Variants in KIF21A observed in about 807,000 individuals in gnomAD.
The protein encoded by KIF21A is kinesin family member 21A, also known as kinesin-like protein KIF21A.
Under a neutral mutation model 202.9 loss-of-function variants are expected in KIF21A, and 114 were observed. The ratio of observed to expected loss-of-function variants is 0.56; its 90% CI spans 0.48 to 0.66. The LOEUF (loss-of-function observed/expected upper bound fraction) is 0.66, where lower values mean the gene tolerates loss of function less well. KIF21A is among the 30% of genes least tolerant of loss of function. The probability of loss-of-function intolerance (pLI) is 0.00; values close to 1 mark genes in which losing one functional copy is unlikely to be tolerated. For missense variants in KIF21A, 1,677 were observed against 1,994.9 expected (o/e 0.84, Z 3.04); for synonymous variants, 667 against 670.8 (o/e 0.99, Z 0.09).
chr12:39,387,036 T>C (rs1381162628), intron 1 of KIF21A, among the ~76,000 whole-genome samples: 2 of 151,926 alleles, frequency 1.3e-5, no homozygotes, highest in Non-Finnish European at 2.9e-5. Context: ...AGTCCAACAA[T>C]TTAAATCCAG....
At chr12:39,330,309 A>G in intron 23 of KIF21A, 47 bp from the exon 24 acceptor site, 2 of 1,559,402 alleles carry the variant, frequency 1.3e-6, no homozygotes, top group Non-Finnish European at 8.8e-7. Flanking sequence ...TACTCCAATC[A>G]AAACAGATCC....
chr12:39,315,742 C>A, intron 30 of KIF21A, 190 bp downstream of exon 30: 4 of 640,562 alleles, frequency 6.2e-6, no homozygotes, highest in South Asian at 3.6e-5. Context: ...CAAAAAAAAC[C>A]ACTACTTTAT....
intron 37 of KIF21A, among the ~76,000 whole-genome samples, chr12:39,298,233 A>G (rs1942602988): frequency 6.6e-6 from 1 of 152,208 alleles, no homozygotes; most frequent in Admixed American, 6.5e-5. Context: ...GCAGAGAATC[A>G]CAGGAGCACT....
intron 34 of KIF21A, among the ~76,000 whole-genome samples, chr12:39,307,037 T>C (rs906845940): frequency 6.6e-6 from 1 of 152,210 alleles, no homozygotes; most frequent in Non-Finnish European, 1.5e-5. Context: ...GAATGAAAGA[T>C]GTAATGCCTT....
intron 1 of KIF21A, among the ~76,000 whole-genome samples, chr12:39,390,987 A>G (rs1951305265): frequency 6.6e-6 from 1 of 152,212 alleles, no homozygotes; most frequent in Non-Finnish European, 1.5e-5. Flanking sequence ...GCCTAGCCAC[A>G]GCCCTCACAA....
intron 1 of KIF21A, among the ~76,000 whole-genome samples, chr12:39,431,589 A>C (rs1291594959): frequency 6.6e-6 from 1 of 152,200 alleles, no homozygotes; most frequent in Non-Finnish European, 1.5e-5. Flanking sequence ...AACTCAGGAA[A>C]GGCTGAGTTT....
At position 39,301,483 on chromosome 12, in the gene KIF21A, G is replaced by T; in HGVS notation, c.4928C>A (p.Ala1643Asp). 1 of 1,612,516 alleles carries T rather than the reference G, an allele frequency of 6.2e-7. No individual in the cohort carries two copies. The highest frequency in any genetic ancestry group is 2.2e-5 in the East Asian group (1 of 44,878). ...CVNSTHIFTA[A>D]DDRTVRIWKA... ...AAAATCATATAAGAAAACTTACTCAGCTGCAGTAAAAATGTGGGTGGAATT... is the reference window on the plus strand; with the variant it reads ...AAAATCATATAAGAAAACTTACTCATCTGCAGTAAAAATGTGGGTGGAATT... Residue 1643 changes from alanine (A) to aspartate (D), a missense_variant, in exon 37 of 38, where the codon GCT becomes GAT. By Grantham distance (126) the Ala-to-Asp change is moderately radical. Transcript: ENST00000361418.
In KIF21A at chr12:39,332,393, T is replaced by A; in HGVS notation, c.2872A>T (p.Thr958Ser). ...NRLLKQREEL[T>S]KRREKLSKRR... Reference sequence around the variant, plus strand: ...TTTGAAAGTTTCTCTCGTCTTTTTGTGAGTTCCTCCCGTTGCTATTGAGAA... The same window carrying A: ...TTTGAAAGTTTCTCTCGTCTTTTTGAGAGTTCCTCCCGTTGCTATTGAGAA... Residue 958 changes from threonine to serine, a missense_variant, in exon 21 of 38, where the codon ACA becomes TCA. By Grantham distance (58) the Thr-to-Ser change is moderately conservative. This residue lies in a region of KIF21A where 966 missense variants were observed against 1,180.9 expected (regional missense o/e 0.82). Coordinates refer to ENST00000361418, the MANE Select transcript of KIF21A (RefSeq NM_001173464.2). The A allele has an allele frequency of 6.2e-7, 1 of 1,613,990 alleles. No homozygotes were observed. Among genetic ancestry groups the A allele is most frequent in the Non-Finnish European group, 8.5e-7 (1 of 1,179,934 alleles).
At chr12:39,325,811 T>A in intron 26 of KIF21A, 28 bp downstream of exon 26, 1 of 1,534,862 alleles carries the variant, frequency 6.5e-7, no homozygotes, top group Non-Finnish European at 9.0e-7. Context: ...GTAAAACATG[T>A]TTACCTGATA....
chr12:39,376,285 T>G (rs73268304), intron 1 of KIF21A, among the ~76,000 whole-genome samples: 1 of 152,160 alleles, frequency 6.6e-6, no homozygotes, highest in Non-Finnish European at 1.5e-5. Context: ...TAAAAAGTCA[T>G]AATCCCAAAA....
At position 39,318,159 on chromosome 12, in the gene KIF21A, A is replaced by T. The variant is rs149771790; in HGVS notation, c.3822T>A (p.Ser1274=). 4 of 1,613,550 alleles carry T rather than the reference A, an allele frequency of 2.5e-6. No homozygotes were observed. The highest frequency in any genetic ancestry group is 2.5e-6 in the Non-Finnish European group (3 of 1,179,630). The change falls in exon 29 of 38, where the codon TCT becomes TCA. Residue 1274 remains serine, a synonymous_variant. Transcript: ENST00000361418. ...CATTACGGGGCCGGCTTGGTGGGGAAGAAGGAGGTGAAAGACTAGCCTCTG... is the reference window on the plus strand; with the variant it reads ...CATTACGGGGCCGGCTTGGTGGGGATGAAGGAGGTGAAAGACTAGCCTCTG... ...GTSEASLSPP[S]SPPSRPRNEL... is the part of the protein sequence containing the mutation.
chr12:39,419,423 T>C (rs926053588), intron 1 of KIF21A, among the ~76,000 whole-genome samples: 2 of 152,210 alleles, frequency 1.3e-5, no homozygotes, highest in South Asian at 4.1e-4. Context: ...AGTTCCTTTT[T>C]GCTACTCCCT....
chr12:39,340,763 A>C (rs1947371585), intron 15 of KIF21A, 143 bp downstream of exon 15: 1 of 656,182 alleles, frequency 1.5e-6, no homozygotes, highest in African/African-American at 1.8e-5. Context: ...AAAAGGCACA[A>C]ACTTTGACTT....
rs761244403 is a variant in KIF21A, at chr12:39,340,948, G to A, written c.2068C>T (p.Arg690Trp). Residue 690 changes from arginine (R) to tryptophan (W), a missense_variant, in exon 15 of 38, where the codon CGG becomes TGG. Physicochemically the swap from Arg to Trp is moderately radical, Grantham distance 101. This residue lies in a region of KIF21A where 966 missense variants were observed against 1,180.9 expected (regional missense o/e 0.82). Transcript: ENST00000361418. Reference protein sequence around the residue: ...EKLMMLQHKIRDTQLERDQVL... With the variant: ...EKLMMLQHKIWDTQLERDQVL... ...TGGTCTCTTTCAAGCTGAGTATCCC[G>A]AATTTTATGTTGCAGCATCATTAGC... 10 of 1,613,020 alleles carry A rather than the reference G, an allele frequency of 6.2e-6. No homozygotes were observed. Among genetic ancestry groups the A allele is most frequent in the South Asian group, 2.2e-5 (2 of 91,000 alleles).
At chr12:39,437,266 G>C (rs1938944675) in intron 1 of KIF21A, among the ~76,000 whole-genome samples, 1 of 152,140 alleles carries the variant, frequency 6.6e-6, no homozygotes, top group South Asian at 2.1e-4. Flanking sequence ...CAATTAGCAG[G>C]TAAGATGGCA....
At chr12:39,370,419 T>G (rs1329055795) in intron 1 of KIF21A, among the ~76,000 whole-genome samples, 158 bp from the exon 2 acceptor site, 1 of 152,210 alleles carries the variant, frequency 6.6e-6, no homozygotes, top group Non-Finnish European at 1.5e-5. Context: ...TGAATTATAA[T>G]GAATCAATTT....
intron 11 of KIF21A, among the ~76,000 whole-genome samples, chr12:39,347,118 A>T (rs1046755020): frequency 1.3e-5 from 2 of 151,880 alleles, no homozygotes; most frequent in East Asian, 3.8e-4. Context: ...GGTTGTTATG[A>T]TATCTGTGAA....
intron 16 of KIF21A, 166 bp from the exon 17 acceptor site, chr12:39,337,369 ATATTTC>A (rs1947070511): frequency 1.5e-5 from 9 of 606,416 alleles, no homozygotes; most frequent in East Asian, 1.4e-4. Flanking sequence ...TGGGATTCAT[ATATTTC>A]TATTTCTAAT....
chr12:39,415,532 C>T (rs1340528616), intron 1 of KIF21A, among the ~76,000 whole-genome samples: 1 of 152,188 alleles, frequency 6.6e-6, no homozygotes, highest in Non-Finnish European at 1.5e-5. Context: ...GCTGGGATTA[C>T]AGGCGTGAGC....
Sources: allele counts gnomAD v4.1 joint callset (sites outside exome capture counted in the v4.1 genomes callset), GRCh38; gene constraint gnomAD v4.1.1; regional missense constraint gnomAD v4.1.1; transcripts MANE v1.5; gene names NCBI Gene and HGNC (gene_info 2026-07-23, HGNC 2026-07-21).